The following SCYL2 variants were observed in gnomAD, a reference collection of about 807,000 sequenced individuals.
The protein encoded by SCYL2 is SCY1-like protein 2.
Under a neutral mutation model 100.4 loss-of-function variants are expected in SCYL2, and 36 were observed. The ratio of observed to expected loss-of-function variants is 0.36; its 90% CI spans 0.27 to 0.47. The LOEUF is 0.47. Ranked by LOEUF, SCYL2 falls within the 20% of genes least tolerant of loss-of-function variation. The probability of loss-of-function intolerance (pLI) is 1.00; values close to 1 mark genes in which losing one functional copy is unlikely to be tolerated. For missense variants in SCYL2, 902 were observed against 1,083.9 expected (o/e 0.83, Z 2.36); for synonymous variants, 330 against 359.2 (o/e 0.92, Z 0.92).
intron 13 of SCYL2, among the ~76,000 whole-genome samples, chr12:100,332,724 T>A (rs1350358907): frequency 6.6e-6 from 1 of 151,334 alleles, no homozygotes; most frequent in Non-Finnish European, 1.5e-5. Flanking sequence ...TTTTGTTTTT[T>A]TTTTTTTTGA....
chr12:100,285,159 A>T (rs1566346367), intron 2 of SCYL2, among the ~76,000 whole-genome samples: 1 of 152,050 alleles, frequency 6.6e-6, no homozygotes, highest in African/African-American at 2.4e-5. Flanking sequence ...CCGGACCAAT[A>T]AAAAAAACAC....
chr12:100,267,385 A>G lies in SCYL2; in HGVS notation c.-436A>G, dbSNP rs994885018. On this transcript the variant is annotated 5_prime_UTR_variant, in exon 1 of 18. Coordinates refer to ENST00000360820, the MANE Select transcript of SCYL2 (RefSeq NM_017988.6). ...AGAGCCCCAGCACCGCCCCTCCTGG[A>G]AGAAGGAAGAGGTAAGTGACCGGCC... 4 of 260,380 alleles carry G rather than the reference A, an allele frequency of 1.5e-5. No homozygotes were observed. Among genetic ancestry groups the G allele is most frequent in the Non-Finnish European group, 2.2e-5 (3 of 135,468 alleles). 16.1% of individuals were successfully genotyped at this position (260,380 alleles called of 1,614,324 possible). A position where few individuals can be genotyped will look rare whatever the true frequency, so the allele number is the denominator to read the frequency against.
At chr12:100,320,048 G>C (rs912762872) in intron 10 of SCYL2, among the ~76,000 whole-genome samples, 1 of 152,172 alleles carries the variant, frequency 6.6e-6, no homozygotes, top group Non-Finnish European at 1.5e-5. Flanking sequence ...TTATAAACGT[G>C]TATCAGACAC....
In SCYL2 at chr12:100,282,268, T is replaced by C. The variant is rs1410053439; in HGVS notation, c.-28-675T>C. Among the ~76,000 whole-genome samples the C allele has an allele frequency of 1.7e-5, 2 of 119,572 alleles. 1 individual carries two copies. 78.4% of individuals were successfully genotyped at this position (119,572 alleles called of 152,430 possible). A position where few individuals can be genotyped will look rare whatever the true frequency, so the allele number is the denominator to read the frequency against. On this transcript the variant is annotated intron_variant, in intron 1 of 17. Transcript: ENST00000360820. ...TTGAACTCCTGGTCTCAAGTGATCC[T>C]CCTGCCTCAGCCTCCCAAACCCCAC...
rs1330262814 is a variant in SCYL2 at position 100,267,371 on chromosome 12, A to C, written c.-450A>C. On this transcript the variant is annotated 5_prime_UTR_variant, in exon 1 of 18. Coordinates refer to ENST00000360820, the MANE Select transcript of SCYL2 (RefSeq NM_017988.6). ...GGGGGCGGGGGGAAAGAGCCCCAGC[A>C]CCGCCCCTCCTGGAAGAAGGAAGAG... 3.4e-6 allele frequency: 1 copy of C among 295,758 alleles called. No individual in the cohort carries two copies. Among genetic ancestry groups the C allele is most frequent in the Non-Finnish European group, 6.3e-6 (1 of 157,634 alleles). The allele number at this position is 295,758 out of a possible 1,614,324, so 18.3% of individuals were successfully genotyped here. A position where few individuals can be genotyped will look rare whatever the true frequency, so the allele number is the denominator to read the frequency against.
Position 100,267,208 on chromosome 12 carries a change from C to T in SCYL2, c.-613C>T, listed in dbSNP as rs539064193. ...TTTCCCCCTCCCTTACTCTTCGTCCCCGGTCCCTCCCCTCCCCACCCCTTT... is the reference window on the plus strand; with the variant it reads ...TTTCCCCCTCCCTTACTCTTCGTCCTCGGTCCCTCCCCTCCCCACCCCTTT... On this transcript the variant is annotated 5_prime_UTR_variant, in exon 1 of 18. Coordinates refer to ENST00000360820, the MANE Select transcript of SCYL2 (RefSeq NM_017988.6). 20 of 961,014 alleles carry T rather than the reference C, an allele frequency of 2.1e-5. No homozygotes were observed. The highest frequency in any genetic ancestry group is 1.3e-4 in the African/African-American group (8 of 60,810). 59.5% of individuals were successfully genotyped at this position (961,014 alleles called of 1,614,324 possible). A position where few individuals can be genotyped will look rare whatever the true frequency, so the allele number is the denominator to read the frequency against.
chr12:100,270,621 TTC>T (rs748208052), intron 1 of SCYL2, among the ~76,000 whole-genome samples: 4,412 of 143,304 alleles, frequency 0.031, 72 homozygotes, highest in African/African-American at 0.055. Context: ...TCATGTTGCT[TTC>T]TTTTTTTTTT....
At position 100,298,024 on chromosome 12, in the gene SCYL2, A is replaced by G. The variant is rs550225280; in HGVS notation, c.336-7A>G. ...GATAGTAAATAACTTTTTCTTTTTT[A>G]AAACAGGGATTGCTTGGCATTTTGT... On this transcript the variant is annotated splice_polypyrimidine_tract_variant and splice_region_variant and intron_variant, in intron 3 of 17. Transcript: ENST00000360820. 2 of 1,600,428 alleles carry G rather than the reference A, an allele frequency of 1.2e-6. No individual in the cohort carries two copies. The highest frequency in any genetic ancestry group is 3.5e-5 in the Admixed American group (2 of 56,806).
chr12:100,291,750 G>T, intron 3 of SCYL2, 90 bp downstream of exon 3: 2 of 1,298,892 alleles, frequency 1.5e-6, no homozygotes, highest in Non-Finnish European at 2.1e-6. Flanking sequence ...AGTATTGTCA[G>T]TGAAAAATTC....
At chr12:100,295,178 A>G (rs1318376580) in intron 3 of SCYL2, among the ~76,000 whole-genome samples, 4 of 133,034 alleles carry the variant, frequency 3.0e-5, no homozygotes, top group Admixed American at 7.6e-5. Flanking sequence ...CCTAGATGGG[A>G]TGGCGGCCGG....
chr12:100,319,649 A>C (rs2096353426), intron 10 of SCYL2, among the ~76,000 whole-genome samples: 1 of 152,124 alleles, frequency 6.6e-6, no homozygotes, highest in African/African-American at 2.4e-5. Flanking sequence ...CCTCCCAGGT[A>C]CCTGGGATTG....
rs868227625 is a variant in SCYL2, at chr12:100,328,992, T to C, written c.1643-209T>C. Among the ~76,000 whole-genome samples, 8 of 152,314 alleles carry C rather than the reference T, an allele frequency of 5.3e-5. No individual in the cohort carries two copies. The South Asian group carries it at 1.0e-3, about 20-fold the overall frequency. ...ACTCCTAAACCAAAAGAACACAGGATAAATATGTCATGGTGTTTAAATCTG... is the reference window on the plus strand; with the variant it reads ...ACTCCTAAACCAAAAGAACACAGGACAAATATGTCATGGTGTTTAAATCTG... On this transcript the variant is annotated intron_variant, in intron 12 of 17. Transcript: ENST00000360820.
chr12:100,290,521 A>G (rs955626609), intron 2 of SCYL2, among the ~76,000 whole-genome samples: 3 of 152,198 alleles, frequency 2.0e-5, no homozygotes, highest in Non-Finnish European at 2.9e-5. Context: ...AGGCTAACTT[A>G]TGAAAATAAT....
chr12:100,307,276 G>A (rs577486705), intron 4 of SCYL2, among the ~76,000 whole-genome samples: 72 of 152,208 alleles, frequency 4.7e-4, no homozygotes, highest in African/African-American at 1.6e-3. Context: ...AAACAGCATG[G>A]TACTGATACC....
In SCYL2 at chr12:100,311,155, G is replaced by A. The variant is rs760787887; in HGVS notation, c.592G>A (p.Asp198Asn). 1.2e-6 allele frequency: 2 copies of A among 1,607,708 alleles called. No homozygotes were observed. The highest frequency in any genetic ancestry group is 1.7e-6 in the Non-Finnish European group (2 of 1,178,184). The change falls in exon 5 of 18, where the codon GAT becomes AAT. Residue 198 changes from aspartate (D) to asparagine (N), a missense_variant. Transcript: ENST00000360820. ...TGGAGCCTGGAAAATAATGGGTTTT[G>A]ATTTTTGTGTATCATCAACCAATCC... ...KSGAWKIMGF[D>N]FCVSSTNPSE...
At chr12:100,311,676 C>T (rs1462235593) in intron 5 of SCYL2, among the ~76,000 whole-genome samples, 1 of 152,094 alleles carries the variant, frequency 6.6e-6, no homozygotes, top group Non-Finnish European at 1.5e-5. Context: ...AAAGAACTGC[C>T]TAAATTTAGG....
At chr12:100,275,410 G>T (rs2096291529) in intron 1 of SCYL2, among the ~76,000 whole-genome samples, 2 of 152,232 alleles carry the variant, frequency 1.3e-5, no homozygotes, top group East Asian at 3.9e-4. Flanking sequence ...TACCCAGGCT[G>T]ATCTCAAACT....
intron 11 of SCYL2, among the ~76,000 whole-genome samples, chr12:100,325,971 G>T (rs2096361310): frequency 6.6e-6 from 1 of 151,854 alleles, no homozygotes; most frequent in Non-Finnish European, 1.5e-5. Flanking sequence ...GCCTTTGTTG[G>T]TTTACTGTTT....
chr12:100,331,588 AC>A (rs1192982696), intron 13 of SCYL2, among the ~76,000 whole-genome samples: 1 of 152,196 alleles, frequency 6.6e-6, no homozygotes, highest in Non-Finnish European at 1.5e-5. Context: ...AGCCTGGATG[AC>A]AAAGCAAGAC....
Sources: gnomAD v4.1 joint callset for allele counts (sites outside exome capture counted in the v4.1 genomes callset) on GRCh38, gnomAD v4.1.1 for gene constraint, MANE v1.5 for transcripts, NCBI Gene and HGNC (gene_info 2026-07-23, HGNC 2026-07-21) for gene names.